SAMMSON: variants seen among roughly 807,000 people sequenced by gnomAD.
The protein encoded by SAMMSON is survival associated mitochondrial melanoma specific oncogenic non-coding RNA, also known as long intergenic non-protein coding RNA 1212.
intron 4 of SAMMSON, among the ~76,000 whole-genome samples, chr3:70,218,048 C>T (rs1277027418): frequency 1.3e-5 from 2 of 152,074 alleles, no homozygotes; most frequent in African/African-American, 4.8e-5. Flanking sequence ...TTTTAAACTC[C>T]TTTTGCCCAC....
chr3:70,428,957 G>A (rs1277163454), intron 2 of SAMMSON, among the ~76,000 whole-genome samples: 1 of 152,136 alleles, frequency 6.6e-6, no homozygotes, highest in Non-Finnish European at 1.5e-5. Flanking sequence ...GATAGAATAA[G>A]TGATAGAAAC....
rs190281647 is a variant in SAMMSON, at chr3:70,433,177, A to G, written n.234-29383A>G. Among the ~76,000 whole-genome samples the G allele has an allele frequency of 2.0e-4, 31 of 152,240 alleles. 1 individual carries two copies. The East Asian group carries it at 5.8e-3, about 28-fold the overall frequency. On this transcript the variant is annotated intron_variant and non_coding_transcript_variant, in intron 2 of 3. Coordinates refer to the SAMMSON transcript ENST00000641053. ...TTTCAACTCCTTTGGGCAAATACCAAGGAGCATATTTGCTGGATTATATAA... is the reference window on the plus strand; with the variant it reads ...TTTCAACTCCTTTGGGCAAATACCAGGGAGCATATTTGCTGGATTATATAA...
intron 7 of SAMMSON, among the ~76,000 whole-genome samples, chr3:70,343,254 C>G (rs192599921): frequency 4.9e-4 from 74 of 152,064 alleles, no homozygotes; most frequent in South Asian, 3.7e-3. Context: ...AAAATTCATA[C>G]TTTATTCATG....
intron 4 of SAMMSON, among the ~76,000 whole-genome samples, chr3:70,141,952 A>G (rs1393524090): frequency 6.6e-6 from 1 of 152,156 alleles, no homozygotes; most frequent in Non-Finnish European, 1.5e-5. Flanking sequence ...ACTAATGATC[A>G]GGGAAATGCA....
At chr3:70,045,111 TTA>T (rs1553712318) in intron 3 of SAMMSON, among the ~76,000 whole-genome samples, 1 of 86,368 alleles carries the variant, frequency 1.2e-5, no homozygotes, top group Admixed American at 1.3e-4. Context: ...ATATTATAAT[TTA>T]TATATATTAA....
At chr3:70,259,998 C>G (rs567992083) in intron 6 of SAMMSON, among the ~76,000 whole-genome samples, 1 of 152,114 alleles carries the variant, frequency 6.6e-6, no homozygotes, top group Non-Finnish European at 1.5e-5. Flanking sequence ...ACGAGAACAG[C>G]GTGATCCAAT....
intron 4 of SAMMSON, among the ~76,000 whole-genome samples, chr3:70,166,959 A>G (rs2067639851): frequency 6.6e-6 from 1 of 151,998 alleles, no homozygotes; most frequent in South Asian, 2.1e-4. Context: ...ATGCTGTCCA[A>G]TAGAAATATA....
At chr3:70,071,999 T>C (rs1168343467) in intron 4 of SAMMSON, 1 of 151,818 alleles carries the variant, frequency 6.6e-6, no homozygotes, top group Non-Finnish European at 1.5e-5. Context: ...CTTGCAGAAA[T>C]GGCAATTAAG....
chr3:70,349,245 G>A (rs1482818116), intron 7 of SAMMSON, among the ~76,000 whole-genome samples: 2 of 152,000 alleles, frequency 1.3e-5, no homozygotes, highest in Non-Finnish European at 2.9e-5. Flanking sequence ...ACGGTGGCAG[G>A]TGCCTGTAAT....
rs527293414 is a variant in SAMMSON at position 70,226,693 on chromosome 3, G to A, written n.508-22414G>A. On this transcript the variant is annotated intron_variant and non_coding_transcript_variant, in intron 4 of 9. Coordinates refer to ENST00000642114, the Ensembl canonical transcript of SAMMSON. ...GCGGAGGTTGCAGTGAGCCGATATC[G>A]TGCCACTCCACTCCAGCCTGGGCAA... 2.1e-3 allele frequency among the ~76,000 whole-genome samples: 316 copies of A among 148,346 alleles called. 3 individuals are homozygous for A. The highest frequency in any genetic ancestry group is 7.0e-3 in the African/African-American group (280 of 40,038).
rs565268844 is a variant in SAMMSON at position 70,396,116 on chromosome 3, G to A, written n.233+37792G>A. Among the ~76,000 whole-genome samples, 3 of 152,116 alleles carry A rather than the reference G, an allele frequency of 2.0e-5. No individual in the cohort carries two copies. The East Asian group carries it at 5.8e-4, about 29-fold the overall frequency. ...GATTAAACATGAGGATGAAGGTCTG[G>A]GCACAGTGACTGGCACATAATAAGT... On this transcript the variant is annotated intron_variant and non_coding_transcript_variant, in intron 2 of 3. Transcript: ENST00000641053.
intron 4 of SAMMSON, among the ~76,000 whole-genome samples, chr3:70,141,612 C>G (rs777051256): frequency 2.6e-5 from 4 of 152,210 alleles, no homozygotes; most frequent in Non-Finnish European, 5.9e-5. Context: ...ACTTAACCAT[C>G]ACAGTAACCA....
chr3:70,050,758 T>C (rs573310490), intron 3 of SAMMSON, among the ~76,000 whole-genome samples: 1 of 152,052 alleles, frequency 6.6e-6, no homozygotes, highest in South Asian at 2.1e-4. Flanking sequence ...TTTGGCAGTT[T>C]GGAGAGGCGG....
intron 4 of SAMMSON, among the ~76,000 whole-genome samples, chr3:70,085,387 A>G (rs911532240): frequency 6.6e-6 from 1 of 152,156 alleles, no homozygotes; most frequent in African/African-American, 2.4e-5. Context: ...TTTTATTGCC[A>G]CTCAGGACAT....
chr3:70,192,623 T>G (rs1158581527), intron 4 of SAMMSON, among the ~76,000 whole-genome samples: 1 of 152,228 alleles, frequency 6.6e-6, no homozygotes, highest in Non-Finnish European at 1.5e-5. Flanking sequence ...TTCTGTTGAC[T>G]CCTTCTCAAA....
At chr3:70,076,607 T>G (rs1244375214) in intron 4 of SAMMSON, among the ~76,000 whole-genome samples, 1 of 152,120 alleles carries the variant, frequency 6.6e-6, no homozygotes, top group Admixed American at 6.6e-5. Flanking sequence ...ATAAGCTACA[T>G]TATCTAGAAA....
intron 4 of SAMMSON, among the ~76,000 whole-genome samples, chr3:70,145,337 A>G (rs779757981): frequency 2.6e-5 from 4 of 152,142 alleles, no homozygotes; most frequent in Non-Finnish European, 4.4e-5. Flanking sequence ...ACTGAACAAC[A>G]CTATCAACCA....
At chr3:70,311,581 T>G (rs770674367) in intron 7 of SAMMSON, among the ~76,000 whole-genome samples, 4 of 152,116 alleles carry the variant, frequency 2.6e-5, no homozygotes, top group African/African-American at 4.8e-5. Flanking sequence ...AGGAGAAAAA[T>G]CTACAGCACT....
At chr3:70,368,188 AAT>A (rs1348762573) in intron 9 of SAMMSON, among the ~76,000 whole-genome samples, 2 of 151,442 alleles carry the variant, frequency 1.3e-5, no homozygotes, top group Admixed American at 6.6e-5. Flanking sequence ...CTCATCCTCA[AAT>A]TCAAAGAACA....
Sources: gnomAD v4.1 joint callset for allele counts (sites outside exome capture counted in the v4.1 genomes callset) on GRCh38, gnomAD v4.1.1 for gene constraint, MANE v1.5 for transcripts, NCBI Gene and HGNC (gene_info 2026-07-23, HGNC 2026-07-21) for gene names.